Variants in LMNTD2 observed in about 807,000 individuals in gnomAD.
The protein encoded by LMNTD2 is lamin tail domain containing 2.
A neutral mutation model predicts 70.1 loss-of-function variants in LMNTD2; 83 were observed. The observed-to-expected ratio is 1.18, with a 90% CI of 0.99 to 1.42. The LOEUF is 1.42. Among genes scored for constraint, LMNTD2 ranks in the 40% most tolerant of loss-of-function variants. The pLI, the probability that LMNTD2 is intolerant of heterozygous loss-of-function variation, is 0.00. For missense variants in LMNTD2, 1,153 were observed against 905.9 expected (o/e 1.27, Z -3.50); for synonymous variants, 534 against 406.1 (o/e 1.31, Z -3.79).
chr11:558,265 C>G lies in LMNTD2; in HGVS notation c.312-17G>C. The G allele has an allele frequency of 6.2e-7, 1 of 1,612,046 alleles. No individual in the cohort carries two copies. Among genetic ancestry groups the G allele is most frequent in the Non-Finnish European group, 8.5e-7 (1 of 1,179,030 alleles). Reference sequence around the variant, plus strand: ...TGGGAGCTCCTGGAGGAGGGGTGACCTCAGCAGCCCCCACCCTGCTCAGGC... The same window carrying G: ...TGGGAGCTCCTGGAGGAGGGGTGACGTCAGCAGCCCCCACCCTGCTCAGGC... On this transcript the variant is annotated splice_polypyrimidine_tract_variant and intron_variant, in intron 3 of 13. Coordinates refer to ENST00000329451, the MANE Select transcript of LMNTD2 (RefSeq NM_173573.3).
In LMNTD2 at chr11:560,482, C is replaced by T. The variant is rs574466625; in HGVS notation, c.34+201G>A. 10 of 1,256,772 alleles carry T rather than the reference C, an allele frequency of 8.0e-6. No homozygotes were observed. The East Asian group carries it at 1.6e-4, about 20-fold the overall frequency. The allele number at this position is 1,256,772 out of a possible 1,614,324, so 77.9% of individuals were successfully genotyped here. A position where few individuals can be genotyped will look rare whatever the true frequency, so the allele number is the denominator to read the frequency against. Reference sequence around the variant, plus strand: ...CGGGACTGGTGACCCTGCGACCCCGCGACCCCTGCGCGTCCAGACTACTGC... The same window carrying T: ...CGGGACTGGTGACCCTGCGACCCCGTGACCCCTGCGCGTCCAGACTACTGC... On this transcript the variant is annotated intron_variant, in intron 1 of 13. Transcript: ENST00000329451.
Position 555,501 on chromosome 11 carries a change from G to A in LMNTD2, c.1577C>T (p.Thr526Met). The A allele has an allele frequency of 7.3e-7, 1 of 1,362,154 alleles. No homozygotes were observed. The highest frequency in any genetic ancestry group is 1.5e-5 in the African/African-American group (1 of 66,088). The allele number at this position is 1,362,154 out of a possible 1,614,324, so 84.4% of individuals were successfully genotyped here. The change falls in exon 13 of 14, where the codon ACG becomes ATG. Residue 526 changes from threonine (T) to methionine (M), a missense_variant and splice_region_variant. Coordinates refer to ENST00000329451, the MANE Select transcript of LMNTD2 (RefSeq NM_173573.3). The part of the protein sequence containing the change: ...EPRVSRRRPG[T>M]RGLLPPVSSG... ...GCTCACTGGGGGCAGCAGGCCCCGCGTCCTGGTGGGGCGAGGGTCGTGAGG... is the reference window on the plus strand; with the variant it reads ...GCTCACTGGGGGCAGCAGGCCCCGCATCCTGGTGGGGCGAGGGTCGTGAGG...
intron 5 of LMNTD2, 59 bp from the exon 6 acceptor site, chr11:557,699 T>G: frequency 6.2e-7 from 1 of 1,611,408 alleles, no homozygotes; most frequent in Non-Finnish European, 8.5e-7. Context: ...ACAGCACCTC[T>G]CCTCTTTGAC....
intron 3 of LMNTD2, 138 bp from the exon 4 acceptor site, chr11:558,386 G>T (rs1457091775): frequency 1.2e-5 from 14 of 1,126,422 alleles, no homozygotes; most frequent in Non-Finnish European, 1.2e-5. Flanking sequence ...GCCCCGCTGG[G>T]GCTGGCCAGC....
chr11:557,324 A>C (rs1852956130), intron 7 of LMNTD2, 75 bp downstream of exon 7: 2 of 1,491,080 alleles, frequency 1.3e-6, no homozygotes, highest in Non-Finnish European at 1.8e-6. Flanking sequence ...ATGGTCCTTT[A>C]GTGTCCTGCG....
intron 1 of LMNTD2, chr11:559,586 C>G (rs1417450272): frequency 3.4e-6 from 4 of 1,186,330 alleles, no homozygotes; most frequent in Non-Finnish European, 2.1e-6. Flanking sequence ...CCCCAGCATC[C>G]CCTACCTAGC....
chr11:557,537 G>A (rs763711586), intron 6 of LMNTD2, 35 bp downstream of exon 6: 97 of 1,613,354 alleles, frequency 6.0e-5, no homozygotes, highest in Non-Finnish European at 7.8e-5. Flanking sequence ...CAGGGCTCCA[G>A]ATACCAGACC....
chr11:559,147 C>CA, intron 1 of LMNTD2, 168 bp from the exon 2 acceptor site: 1 of 1,464,360 alleles, frequency 6.8e-7, no homozygotes. Context: ...CACTTACTCA[C>CA]AGAGCGTTGC....
In LMNTD2 at chr11:557,976, C is replaced by A; in HGVS notation, c.463G>T (p.Glu155Ter). ...TTRTLQEMEA[E>*]LQNLQKSCLL... Reference sequence around the variant, plus strand: ...CAGGACTTCTGCAAGTTCTGCAGCTCGGCCTCCATCTCCTGGAGCGTGCGG... The same window carrying A: ...CAGGACTTCTGCAAGTTCTGCAGCTAGGCCTCCATCTCCTGGAGCGTGCGG... Residue 155 changes from glutamate (E) to a stop codon, truncating the protein, a stop_gained, in exon 5 of 14, where the codon GAG becomes TAG. Transcript: ENST00000329451. LOFTEE classifies it high-confidence loss of function. 2 of 1,600,064 alleles carry A rather than the reference C, an allele frequency of 1.2e-6. No individual in the cohort carries two copies. The highest frequency in any genetic ancestry group is 8.5e-7 in the Non-Finnish European group (1 of 1,172,226).
At chr11:559,163 G>C (rs1853113432) in intron 1 of LMNTD2, 184 bp from the exon 2 acceptor site, 1 of 1,464,640 alleles carries the variant, frequency 6.8e-7, no homozygotes, top group Non-Finnish European at 9.0e-7. Flanking sequence ...GTTGCTCTCT[G>C]AAGGGACCCA....
At chr11:556,739 G>T in intron 8 of LMNTD2, 96 bp downstream of exon 8, 1 of 1,437,072 alleles carries the variant, frequency 7.0e-7, no homozygotes. Flanking sequence ...GACCTTGGGG[G>T]CTGGAGGGCC....
rs984556558 is a variant in LMNTD2, at chr11:557,152, C to A, written c.714-55G>T. On this transcript the variant is annotated intron_variant, in intron 7 of 13. Coordinates refer to ENST00000329451, the MANE Select transcript of LMNTD2 (RefSeq NM_173573.3). ...TCCAGCTCCAGACCCCAGCCCTGCC[C>A]CCGTCCAGCCTCACAAGGCAGTGCA... 14 of 1,510,664 alleles carry A rather than the reference C, an allele frequency of 9.3e-6. No individual in the cohort carries two copies. In the African/African-American group the frequency reaches 1.8e-4, roughly 19 times the overall value. The allele number at this position is 1,510,664 out of a possible 1,614,324, so 93.6% of individuals were successfully genotyped here.
rs761133499 is a variant in LMNTD2 at position 557,437 on chromosome 11, G to T, written c.675C>A (p.Pro225=). Residue 225 remains proline (P), a synonymous_variant, in exon 7 of 14, where the codon CCC becomes CCA. Coordinates refer to ENST00000329451, the MANE Select transcript of LMNTD2 (RefSeq NM_173573.3). ...VDWNSVARRY[P]NLFTNMEPSS... ...TGGGCTCCATGTTGGTGAAGAGGTT[G>T]GGATACCGGCGGGCAACGCTGTTCC... The T allele has an allele frequency of 3.1e-6, 5 of 1,610,210 alleles. No homozygotes were observed.
Position 558,845 on chromosome 11 carries a change from C to G in LMNTD2, c.158+11G>C. ...CCCAGGAGGCTCACCAGTCCTCCCT[C>G]TCCTCCTTACTGCGGGTCGGCAGAG... On this transcript the variant is annotated intron_variant, in intron 2 of 13. Transcript: ENST00000329451. 1 of 1,598,722 alleles carries G rather than the reference C, an allele frequency of 6.3e-7. No homozygotes were observed.
rs1169725431 is a variant in LMNTD2 at position 555,052 on chromosome 11, C to T, written c.1833G>A (p.Thr611=). ...AGCGGAAGCCGAATCTGCTCTCCGC[C>T]GTGTTCTGCACCGACAGGGCCACCA... ...CPLVALSVQN[T]AESRFGFRFL... Residue 611 remains threonine (T), a synonymous_variant, in exon 14 of 14, where the codon ACG becomes ACA. Transcript: ENST00000329451. The T allele has an allele frequency of 3.1e-6, 5 of 1,592,910 alleles. No homozygotes were observed. The highest frequency in any genetic ancestry group is 2.8e-5 in the African/African-American group (2 of 72,074).
intron 1 of LMNTD2, chr11:559,590 A>T: frequency 1.7e-6 from 2 of 1,186,614 alleles, no homozygotes; most frequent in South Asian, 1.5e-5. Flanking sequence ...AGCATCCCCT[A>T]CCTAGCCTGG....
At chr11:559,261 C>G in intron 1 of LMNTD2, 2 of 1,490,036 alleles carry the variant, frequency 1.3e-6, no homozygotes, top group Non-Finnish European at 1.8e-6. Flanking sequence ...CCCCTGCCAC[C>G]CAGGTGCTGG....
At chr11:555,276 A>AG in intron 13 of LMNTD2, 29 bp downstream of exon 13, 1 of 1,342,902 alleles carries the variant, frequency 7.4e-7, no homozygotes, top group Non-Finnish European at 9.5e-7. Context: ...GAGGGAGAGG[A>AG]GGGGGCGCAC....
Position 556,839 on chromosome 11 carries a change from T to C in LMNTD2, c.972A>G (p.Ser324=). ...LVQAGSYSRD[S]EDLQKTHSPR... is the part of the protein sequence containing the mutation. ...GGGAGACCCGCCCCACTGCACCTTC[T>C]GAGTCCCTGCTGTAGCTGCCGGCCT... The change falls in exon 8 of 14, where the codon TCA becomes TCG. Residue 324 remains serine, a synonymous_variant. Coordinates refer to ENST00000329451, the MANE Select transcript of LMNTD2 (RefSeq NM_173573.3). 3 of 1,573,362 alleles carry C rather than the reference T, an allele frequency of 1.9e-6. No homozygotes were observed. Among genetic ancestry groups the C allele is most frequent in the South Asian group, 1.2e-5 (1 of 85,920 alleles).
Sources: gnomAD v4.1 joint callset for allele counts on GRCh38, gnomAD v4.1.1 for gene constraint, MANE v1.5 for transcripts, NCBI Gene and HGNC (gene_info 2026-07-23, HGNC 2026-07-21) for gene names.